C2orf42: variants seen among roughly 807,000 people sequenced by gnomAD.
The protein encoded by C2orf42 is chromosome 2 open reading frame 42.
A neutral mutation model predicts 58.9 loss-of-function variants in C2orf42; 44 were observed. The ratio of observed to expected loss-of-function variants is 0.75; its 90% CI spans 0.59 to 0.96. The LOEUF is 0.96. Among genes scored for constraint, C2orf42 ranks in the 40% least tolerant of loss-of-function variants. The pLI, the probability that C2orf42 is intolerant of heterozygous loss-of-function variation, is 0.00. For synonymous variants in C2orf42, 239 were observed against 265.4 expected, an observed-to-expected ratio of 0.90 and a Z score of 0.97; for missense variants, 630 against 699.2, an observed-to-expected ratio of 0.90 and a Z score of 1.12.
At chr2:70,158,618 G>T (rs1174318054) in intron 9 of C2orf42, among the ~76,000 whole-genome samples, 1 of 151,894 alleles carries the variant, frequency 6.6e-6, no homozygotes, top group Non-Finnish European at 1.5e-5. Context: ...CCCAGCTAAT[G>T]TTTTGCATTT....
intron 4 of C2orf42, 31 bp downstream of exon 4, chr2:70,179,501 A>T: frequency 1.2e-6 from 1 of 847,948 alleles, no homozygotes; most frequent in Non-Finnish European, 2.0e-6. Context: ...TCTAAAGACA[A>T]TACCACCAAA....
At chr2:70,168,103 G>C (rs373637716) in intron 6 of C2orf42, among the ~76,000 whole-genome samples, 1 of 151,118 alleles carries the variant, frequency 6.6e-6, no homozygotes, top group African/African-American at 2.4e-5. Context: ...GCATGGTGGT[G>C]CGTGCCTGTA....
intron 9 of C2orf42, among the ~76,000 whole-genome samples, chr2:70,153,453 G>A (rs1672437194): frequency 6.7e-6 from 1 of 149,646 alleles, no homozygotes; most frequent in Non-Finnish European, 1.5e-5. Context: ...CTGCCTCCCA[G>A]GTTCATGCCA....
chr2:70,181,457 T>C lies in C2orf42; in HGVS notation c.529A>G (p.Thr177Ala). 6.2e-7 allele frequency: 1 copy of C among 1,614,008 alleles called. No homozygotes were observed. Among genetic ancestry groups the C allele is most frequent in the Non-Finnish European group, 8.5e-7 (1 of 1,180,004 alleles). Residue 177 changes from threonine (T) to alanine (A), a missense_variant, in exon 3 of 10, where the codon ACA becomes GCA. By Grantham distance (58) the Thr-to-Ala change is moderately conservative (BLOSUM62 0). Coordinates refer to ENST00000264434, the MANE Select transcript of C2orf42 (RefSeq NM_017880.3). ...GTAATTCTCTGCACCAGAGGACCTGTGGGTTCCGTGGCCAACTGCCAGATG... is the reference window on the plus strand; with the variant it reads ...GTAATTCTCTGCACCAGAGGACCTGCGGGTTCCGTGGCCAACTGCCAGATG... ...QTIWQLATEP[T>A]GPLVQRITKN...
Position 70,165,586 on chromosome 2 carries a change from G to A in C2orf42, c.1194C>T (p.Ala398=). 6.2e-7 allele frequency: 1 copy of A among 1,612,954 alleles called. No individual in the cohort carries two copies. Among genetic ancestry groups the A allele is most frequent in the East Asian group, 2.2e-5 (1 of 44,856 alleles). Residue 398 remains alanine (A), a synonymous_variant, in exon 7 of 10, where the codon GCC becomes GCT. Transcript: ENST00000264434. ...VFHIPQSFFD[A]LQQRISIGSA... ...TTCCTATAGATATTCTTTGTTGCAG[G>A]GCATCAAAAAATGACTGAGGAATGT... is the stretch of plus-strand genomic sequence containing the variant.
At chr2:70,150,774 CT>C (rs1672259135) in intron 9 of C2orf42, among the ~76,000 whole-genome samples, 1 of 152,208 alleles carries the variant, frequency 6.6e-6, no homozygotes, top group Non-Finnish European at 1.5e-5. Context: ...GAGACGGAGT[CT>C]CGCTTTGGCA....
rs3213941 is a variant in C2orf42 at position 70,175,771 on chromosome 2, T to C, written c.941A>G (p.Gln314Arg). 2 of 1,592,936 alleles carry C rather than the reference T, an allele frequency of 1.3e-6. No individual in the cohort carries two copies. Among genetic ancestry groups the C allele is most frequent in the African/African-American group, 1.3e-5 (1 of 74,504 alleles). The change falls in exon 5 of 10, where the codon CAG (glutamine) becomes CGG (arginine). Residue 314 changes from glutamine (Q) to arginine (R), a missense_variant. Transcript: ENST00000264434. ...KRRKDEVSGA[Q>R]MNSSLLPQDA... ...TTGAGGCAGTAGTGAACTGTTCATC[T>C]GTGCACCTAAACCACAAATCATTAC...
At chr2:70,152,803 G>T (rs1264364109) in intron 9 of C2orf42, among the ~76,000 whole-genome samples, 1 of 152,156 alleles carries the variant, frequency 6.6e-6, no homozygotes, top group Non-Finnish European at 1.5e-5. Context: ...GGGAGGCCAA[G>T]CCGGGCAGAT....
intron 6 of C2orf42, among the ~76,000 whole-genome samples, chr2:70,166,949 C>T (rs1673445406): frequency 6.6e-6 from 1 of 152,164 alleles, no homozygotes; most frequent in Non-Finnish European, 1.5e-5. Flanking sequence ...TGGTCAGCAC[C>T]ATGAATGCTG....
intron 9 of C2orf42, among the ~76,000 whole-genome samples, chr2:70,153,362 G>T (rs1672778580): frequency 6.7e-6 from 1 of 148,776 alleles, no homozygotes; most frequent in Admixed American, 7.0e-5. Context: ...AGTCTGGACA[G>T]ATCTTTTTTT....
intron 6 of C2orf42, among the ~76,000 whole-genome samples, chr2:70,166,503 T>TA (rs758706026): frequency 0.012 from 1,153 of 93,080 alleles, 15 homozygotes; most frequent in African/African-American, 0.033. Flanking sequence ...CCATCTCTAC[T>TA]AAAAAAAAAA....
intron 5 of C2orf42, 25 bp from the exon 6 acceptor site, chr2:70,169,686 C>T (rs1369954075): frequency 2.8e-6 from 3 of 1,058,548 alleles, no homozygotes; most frequent in South Asian, 1.3e-5. Flanking sequence ...ACCACACATA[C>T]ACACTTCTTT....
chr2:70,175,792 A>C lies in C2orf42; in HGVS notation c.935-15T>G. On this transcript the variant is annotated splice_polypyrimidine_tract_variant and intron_variant, in intron 4 of 9. Coordinates refer to ENST00000264434, the MANE Select transcript of C2orf42 (RefSeq NM_017880.3). Reference sequence around the variant, plus strand: ...CATCTGTGCACCTAAACCACAAATCATTACAGGTTTAACAATGTATCTGCT... The same window carrying C: ...CATCTGTGCACCTAAACCACAAATCCTTACAGGTTTAACAATGTATCTGCT... 1 of 1,461,898 alleles carries C rather than the reference A, an allele frequency of 6.8e-7. No homozygotes were observed. Among genetic ancestry groups the C allele is most frequent in the African/African-American group, 1.4e-5 (1 of 72,010 alleles). 90.6% of individuals were successfully genotyped at this position (1,461,898 alleles called of 1,614,324 possible). A position where few individuals can be genotyped will look rare whatever the true frequency, so the allele number is the denominator to read the frequency against.
rs147368354 is a variant in C2orf42, at chr2:70,187,337, G to A, written c.-282+3636C>T. Among the ~76,000 whole-genome samples the A allele has an allele frequency of 6.7e-3, 1,025 of 152,168 alleles. 10 individuals carry two copies. The highest frequency in any genetic ancestry group is 0.022 in the African/African-American group (894 of 41,510). On this transcript the variant is annotated intron_variant, in intron 1 of 9. Coordinates refer to ENST00000264434, the MANE Select transcript of C2orf42 (RefSeq NM_017880.3). ...GCAATCTCAGCTCACTGCAACCTCC[G>A]CCTCCCGGGTTCAAGTGATTCTCCT...
intron 8 of C2orf42, among the ~76,000 whole-genome samples, chr2:70,164,693 G>A (rs1377744017): frequency 6.6e-6 from 1 of 152,116 alleles, no homozygotes; most frequent in Non-Finnish European, 1.5e-5. Flanking sequence ...GCTGTAGTTT[G>A]GGGAGGAGGG....
intron 9 of C2orf42, among the ~76,000 whole-genome samples, chr2:70,151,035 G>A (rs1016217817): frequency 2.0e-5 from 3 of 152,084 alleles, no homozygotes; most frequent in Non-Finnish European, 2.9e-5. Flanking sequence ...GAGCCACCAC[G>A]CCCAGCCATC....
intron 8 of C2orf42, among the ~76,000 whole-genome samples, chr2:70,163,596 T>TC (rs375668677): frequency 2.2e-4 from 33 of 152,176 alleles, no homozygotes; most frequent in African/African-American, 7.9e-4. Flanking sequence ...ACGCCTGTAA[T>TC]CCATGCACTT....
chr2:70,162,530 G>A (rs771736324), intron 8 of C2orf42, among the ~76,000 whole-genome samples: 100 of 151,728 alleles, frequency 6.6e-4, no homozygotes, highest in Non-Finnish European at 1.2e-3. Flanking sequence ...TGTAATCCCA[G>A]CTACTCGGGA....
Position 70,154,414 on chromosome 2 carries a change from TAAAAAAAAAAAA to T in C2orf42, c.1517-3862_1517-3851del, listed in dbSNP as rs36028499. On this transcript the variant is annotated intron_variant, in intron 9 of 9. Coordinates refer to ENST00000264434, the MANE Select transcript of C2orf42 (RefSeq NM_017880.3). Reference sequence around the variant, plus strand: ...CCCCATCTCTGTAAGAAATTTTTACTAAAAAAAAAAAAAAAAAAAAAAAAAAAAAAATCTGAC... The same window carrying T: ...CCCCATCTCTGTAAGAAATTTTTACTAAAAAAAAAAAAAAAAAAATCTGAC... 5.9e-4 allele frequency among the ~76,000 whole-genome samples: 15 copies of T among 25,600 alleles called. 1 individual carries two copies. The highest frequency in any genetic ancestry group is 7.3e-4 in the Non-Finnish European group (10 of 13,776). The allele number at this position is 25,600 out of a possible 152,430, so 16.8% of individuals were successfully genotyped here.
Sources: gnomAD v4.1 joint callset for allele counts (sites outside exome capture counted in the v4.1 genomes callset) on GRCh38, gnomAD v4.1.1 for gene constraint, MANE v1.5 for transcripts, NCBI Gene and HGNC (gene_info 2026-07-23, HGNC 2026-07-21) for gene names.